LBHD1: variants seen among roughly 807,000 people sequenced by gnomAD.
LBHD1 encodes LBH domain-containing protein 1.
LBHD1 carries 28 observed loss-of-function variants against 31.1 expected under a neutral mutation model. That is an observed-to-expected ratio of 0.90 (90% CI 0.67 to 1.24). The LOEUF (loss-of-function observed/expected upper bound fraction) is 1.24. Among genes scored for constraint, LBHD1 ranks in the 50% most tolerant of loss-of-function variants. The pLI is 0.00. For missense variants in LBHD1, 350 were observed against 323.0 expected (o/e 1.08, Z -0.64); for synonymous variants, 105 against 116.5 (o/e 0.90, Z 0.63).
intron 4 of LBHD1, 35 bp downstream of exon 4, chr11:62,667,488 G>A: frequency 6.3e-7 from 1 of 1,598,928 alleles, no homozygotes; most frequent in Non-Finnish European, 8.6e-7. Flanking sequence ...CATAAACCTG[G>A]ATGAGATATT....
chr11:62,666,321 AGACGCCAG>A (rs773843029), intron 4 of LBHD1: 2 of 1,453,874 alleles, frequency 1.4e-6, no homozygotes, highest in Non-Finnish European at 1.9e-6. Flanking sequence ...AAAAAAAAAA[AGACGCCAG>A]TGTGTATATA....
At chr11:62,671,525 G>A (rs769297613) in intron 1 of LBHD1, 39 bp downstream of exon 1, 51 of 1,407,672 alleles carry the variant, frequency 3.6e-5, no homozygotes, top group Non-Finnish European at 4.3e-5. Context: ...AGCCCTTGGT[G>A]CCAGCACTTC....
chr11:62,671,834 C>T lies in LBHD1; in HGVS notation c.-281G>A, dbSNP rs780320969. 1.9e-6 allele frequency: 3 copies of T among 1,613,976 alleles called. No homozygotes were observed. The East Asian group carries it at 6.7e-5, about 36-fold the overall frequency. ...TACGCGCTCCTCGTTATCGTGACCC[C>T]GGGAGAGCGGCGGAAGCAGGAAATG... On this transcript the variant is annotated 5_prime_UTR_variant, in exon 1 of 7. Coordinates refer to ENST00000354588, the MANE Select transcript of LBHD1 (RefSeq NM_024099.5).
At chr11:62,663,693 C>CAA (rs552135889) in intron 5 of LBHD1, among the ~76,000 whole-genome samples, 30 of 60,102 alleles carry the variant, frequency 5.0e-4, no homozygotes, top group African/African-American at 1.5e-3. Flanking sequence ...GACTCCGTCT[C>CAA]AAAAAAAAAA....
In LBHD1 at chr11:62,667,690, A is replaced by T. The variant is rs780019376; in HGVS notation, c.371T>A (p.Leu124His). The T allele has an allele frequency of 6.9e-5, 111 of 1,614,188 alleles. 3 individuals carry two copies. In the South Asian group the frequency reaches 1.0e-3, roughly 15 times the overall value. ...RSPLRTFNAG[L>H]SWGQDQDEED... is the part of the protein sequence containing the mutation. The stretch of plus-strand genomic sequence containing the variant: ...TTCATCCTGGTCCTGCCCCCAGCTG[A>T]GTCCAGCGTTAAATGTTCTTAAAGG... The change falls in exon 4 of 7, where the codon CTC (leucine) becomes CAC (histidine). Residue 124 changes from leucine (L) to histidine (H), a missense_variant. Leu to His is a moderately conservative substitution (Grantham distance 99, BLOSUM62 -3). Transcript: ENST00000354588.
At chr11:62,669,363 C>T in intron 3 of LBHD1, 2 of 980,836 alleles carry the variant, frequency 2.0e-6, no homozygotes, top group Non-Finnish European at 1.2e-6. Context: ...CGCCACTGCA[C>T]TCCAGTCTGG....
intron 4 of LBHD1, chr11:62,666,168 C>T (rs996739886): frequency 8.6e-6 from 6 of 699,132 alleles, no homozygotes; most frequent in Non-Finnish European, 1.4e-5. Context: ...GGCAACATAG[C>T]GAGACCCTGT....
In LBHD1 at chr11:62,665,045, C is replaced by T. The variant is rs929691921; in HGVS notation, c.539-72G>A. On this transcript the variant is annotated intron_variant, in intron 4 of 6. Coordinates refer to ENST00000354588, the MANE Select transcript of LBHD1 (RefSeq NM_024099.5). ...CCCGGGGCCCCTCCACCAGGCAGCC[C>T]CGGCCCCTCACTGATCCCATCTCGT... 13 of 1,592,470 alleles carry T rather than the reference C, an allele frequency of 8.2e-6. No homozygotes were observed. In the East Asian group the frequency reaches 2.9e-4, roughly 36 times the overall value.
intron 4 of LBHD1, 70 bp downstream of exon 4, chr11:62,667,453 G>A (rs556083342): frequency 6.7e-7 from 1 of 1,495,608 alleles, no homozygotes; most frequent in African/African-American, 1.4e-5. Context: ...AAAGGAGATT[G>A]TAAGAGGATG....
Position 62,663,000 on chromosome 11 carries a change from C to T in LBHD1, c.*129G>A. ...TTTTGTCAAAGTCCTCTGAAACAAC[C>T]ACTGAGTCTGAAGGCTGGCTCCAGT... On this transcript the variant is annotated 3_prime_UTR_variant, in exon 7 of 7. Coordinates refer to ENST00000354588, the MANE Select transcript of LBHD1 (RefSeq NM_024099.5). 7.1e-7 allele frequency: 1 copy of T among 1,406,124 alleles called. No individual in the cohort carries two copies. Among genetic ancestry groups the T allele is most frequent in the Non-Finnish European group, 9.9e-7 (1 of 1,012,508 alleles). The allele number at this position is 1,406,124 out of a possible 1,614,324, so 87.1% of individuals were successfully genotyped here.
At chr11:62,663,466 G>A (rs1273371657) in intron 5 of LBHD1, 133 bp from the exon 6 acceptor site, 39 of 853,852 alleles carry the variant, frequency 4.6e-5, no homozygotes, top group Non-Finnish European at 6.5e-5. Flanking sequence ...CAGCACTTTG[G>A]GAGGCCGAGG....
Position 62,669,683 on chromosome 11 carries a change from C to T in LBHD1, c.271G>A (p.Glu91Lys). 1 of 1,614,200 alleles carries T rather than the reference C, an allele frequency of 6.2e-7. No individual in the cohort carries two copies. The highest frequency in any genetic ancestry group is 8.5e-7 in the Non-Finnish European group (1 of 1,180,034). ...ELLLLTDGEE[E>K]DAEAFFQDQS... ...TCTTGGAAGAAGGCCTCAGCATCCTCTTCCTCACCATCAGTGAGCAGCAGC... is the reference window on the plus strand; with the variant it reads ...TCTTGGAAGAAGGCCTCAGCATCCTTTTCCTCACCATCAGTGAGCAGCAGC... The change falls in exon 3 of 7, where the codon GAG becomes AAG. Residue 91 changes from glutamate to lysine, a missense_variant. Physicochemically the swap from Glu to Lys is moderately conservative, Grantham distance 56. Coordinates refer to ENST00000354588, the MANE Select transcript of LBHD1 (RefSeq NM_024099.5).
chr11:62,665,334 T>G (rs951110387), intron 4 of LBHD1: 14 of 753,486 alleles, frequency 1.9e-5, no homozygotes, highest in Non-Finnish European at 3.1e-5. Flanking sequence ...GGTGAGCTAG[T>G]AAGTGTGGTT....
intron 5 of LBHD1, among the ~76,000 whole-genome samples, chr11:62,663,969 A>G (rs1274825736): frequency 6.7e-6 from 1 of 148,314 alleles, no homozygotes; most frequent in Non-Finnish European, 1.5e-5. Context: ...GCTACTCGGG[A>G]GGCTGAGGCA....
intron 3 of LBHD1, among the ~76,000 whole-genome samples, chr11:62,668,834 A>G (rs763089306): frequency 4.0e-5 from 6 of 151,776 alleles, no homozygotes; most frequent in Non-Finnish European, 8.8e-5. Flanking sequence ...AAACAAACAA[A>G]CAAAAAAACA....
intron 4 of LBHD1, chr11:62,666,454 G>T: frequency 6.2e-7 from 1 of 1,613,344 alleles, no homozygotes; most frequent in South Asian, 1.1e-5. Context: ...TGCATGCCCA[G>T]CCTCGTTTGG....
intron 5 of LBHD1, among the ~76,000 whole-genome samples, chr11:62,664,613 G>A (rs1944743773): frequency 6.6e-6 from 1 of 152,140 alleles, no homozygotes; most frequent in Admixed American, 6.6e-5. Flanking sequence ...TTACAGGTAT[G>A]AGCCACCATC....
intron 4 of LBHD1, chr11:62,665,813 C>A (rs1565126558): frequency 2.5e-6 from 4 of 1,583,992 alleles, no homozygotes; most frequent in Non-Finnish European, 3.5e-6. Context: ...GACCTCAGGC[C>A]TCTCCGGCTG....
At chr11:62,669,565 C>G in intron 3 of LBHD1, 76 bp downstream of exon 3, 3 of 1,547,272 alleles carry the variant, frequency 1.9e-6, no homozygotes, top group Non-Finnish European at 2.6e-6. Flanking sequence ...ATGCAGGGGC[C>G]GTAACTGACT....
Sources: allele counts gnomAD v4.1 joint callset (sites outside exome capture counted in the v4.1 genomes callset), GRCh38; gene constraint gnomAD v4.1.1; transcripts MANE v1.5; gene names NCBI Gene and HGNC (gene_info 2026-07-23, HGNC 2026-07-21).